The following TMEM232 variants were observed in gnomAD, a reference collection of about 807,000 sequenced individuals.
The protein encoded by TMEM232 is transmembrane protein 232.
A neutral mutation model predicts 78.8 loss-of-function variants in TMEM232; 80 were observed. That is an observed-to-expected ratio of 1.01 (90% CI 0.85 to 1.22). The LOEUF is 1.22. Among genes scored for constraint, TMEM232 ranks in the 50% most tolerant of loss-of-function variants. The pLI is 0.00. For synonymous variants in TMEM232, 297 were observed against 254.3 expected (o/e 1.17, Z -1.60); for missense variants, 881 against 742.2 (o/e 1.19, Z -2.17).
chr5:110,636,168 A>T (rs1785802463), intron 5 of TMEM232, among the ~76,000 whole-genome samples: 1 of 152,050 alleles, frequency 6.6e-6, no homozygotes, highest in Admixed American at 6.6e-5. Flanking sequence ...ACAGAAATAC[A>T]AAAACCACAT....
chr5:110,541,885 T>C (rs1321696598), intron 11 of TMEM232, among the ~76,000 whole-genome samples: 1 of 151,932 alleles, frequency 6.6e-6, no homozygotes, highest in Non-Finnish European at 1.5e-5. Flanking sequence ...ACTCAAAGGC[T>C]CTCCACACCA....
At chr5:110,649,307 A>G (rs772415574) in intron 2 of TMEM232, among the ~76,000 whole-genome samples, 1 of 152,066 alleles carries the variant, frequency 6.6e-6, no homozygotes, top group Non-Finnish European at 1.5e-5. Context: ...TTCTTTATTT[A>G]AAAGGGTTAC....
intron 12 of TMEM232, among the ~76,000 whole-genome samples, chr5:110,446,817 G>A (rs764220576): frequency 6.6e-6 from 1 of 151,998 alleles, no homozygotes; most frequent in Non-Finnish European, 1.5e-5. Context: ...GCTATGTTGG[G>A]TTTGCTGCAT....
intron 2 of TMEM232, among the ~76,000 whole-genome samples, chr5:110,412,288 C>G (rs1052732777): frequency 6.6e-6 from 1 of 152,210 alleles, no homozygotes; most frequent in South Asian, 2.1e-4. Context: ...GAATTCAACC[C>G]TGAACAATCC....
chr5:110,721,931 G>C (rs747381455), intron 1 of TMEM232, among the ~76,000 whole-genome samples: 2 of 151,578 alleles, frequency 1.3e-5, no homozygotes, highest in African/African-American at 4.8e-5. Flanking sequence ...CCTAGCAGGT[G>C]GCACTGCCCC....
chr5:110,593,544 T>A (rs1779786569), intron 10 of TMEM232, among the ~76,000 whole-genome samples: 1 of 152,122 alleles, frequency 6.6e-6, no homozygotes, highest in African/African-American at 2.4e-5. Context: ...TAGAGGTCAT[T>A]ATGTTAAATG....
chr5:110,632,709 G>T (rs1785288391), intron 5 of TMEM232, among the ~76,000 whole-genome samples: 1 of 151,594 alleles, frequency 6.6e-6, no homozygotes, highest in Non-Finnish European at 1.5e-5. Flanking sequence ...GAAAAACAAA[G>T]AAAAAGTAAT....
intron 11 of TMEM232, among the ~76,000 whole-genome samples, chr5:110,547,842 A>T (rs1376571433): frequency 6.6e-6 from 1 of 151,870 alleles, no homozygotes; most frequent in African/African-American, 2.4e-5. Context: ...TACTAAAAAT[A>T]CAAAAATTAG....
intron 8 of TMEM232, among the ~76,000 whole-genome samples, chr5:110,608,390 T>C (rs1159161067): frequency 6.6e-6 from 1 of 151,952 alleles, no homozygotes; most frequent in African/African-American, 2.4e-5. Flanking sequence ...TCTATCCAGA[T>C]GACCACCAAG....
At chr5:110,440,228 G>T (rs1046760520) in intron 12 of TMEM232, among the ~76,000 whole-genome samples, 2 of 152,110 alleles carry the variant, frequency 1.3e-5, no homozygotes, top group Non-Finnish European at 2.9e-5. Flanking sequence ...GAGAACAAGT[G>T]TAACTTCTAT....
intron 12 of TMEM232, among the ~76,000 whole-genome samples, chr5:110,503,774 A>C (rs1374770640): frequency 6.6e-6 from 1 of 152,172 alleles, no homozygotes; most frequent in Non-Finnish European, 1.5e-5. Context: ...TTTGTAGTAA[A>C]TGTTTCTCCT....
chr5:110,649,069 G>A (rs1274054794), intron 2 of TMEM232, among the ~76,000 whole-genome samples: 4 of 152,162 alleles, frequency 2.6e-5, no homozygotes, highest in African/African-American at 9.6e-5. Context: ...AGTTGAGCTT[G>A]AAGACCCAAA....
At position 110,493,127 on chromosome 5, in the gene TMEM232, C is replaced by T. The variant is rs1467227765; in HGVS notation, c.1703+35461G>A. ...ACAAGAAAAAAAATTAGAATTAAAT[C>T]CCCCCAGCATAAGCTAATCCTTATG... is the stretch of plus-strand genomic sequence containing the variant. On this transcript the variant is annotated intron_variant, in intron 12 of 13. Transcript: ENST00000455884. Among the ~76,000 whole-genome samples the T allele has an allele frequency of 2.6e-5, 4 of 151,650 alleles. 1 individual carries two copies. The South Asian group carries it at 6.2e-4, about 24-fold the overall frequency.
chr5:110,490,142 A>AAAGAAAG (rs1764892253), intron 12 of TMEM232, among the ~76,000 whole-genome samples: 1 of 115,506 alleles, frequency 8.7e-6, no homozygotes, highest in Non-Finnish European at 1.7e-5. Flanking sequence ...AGAAAGAAAG[A>AAAGAAAG]AAGAAAGAAA....
intron 2 of TMEM232, among the ~76,000 whole-genome samples, chr5:110,646,696 C>T (rs537294476): frequency 2.0e-5 from 3 of 151,760 alleles, no homozygotes; most frequent in Non-Finnish European, 3.0e-5. Flanking sequence ...GGGATTGCAT[C>T]AAACTAAAAA....
At chr5:110,687,803 G>C (rs1793614770) in intron 1 of TMEM232, among the ~76,000 whole-genome samples, 1 of 151,920 alleles carries the variant, frequency 6.6e-6, no homozygotes, top group Admixed American at 6.6e-5. Context: ...CAAACCTTTG[G>C]TGCAAAATAT....
At position 110,528,618 on chromosome 5, in the gene TMEM232, A is replaced by G. The variant is rs1770956859; in HGVS notation, c.1673T>C (p.Val558Ala). ...AGTGAAATGTAGAACTTGCTTTTTC[A>G]CAGACTCCAGCTTTTTATTTGGATA... The part of the protein sequence containing the change: ...TKYPNKKLES[V>A]KKQVLHFTVR... The change falls in exon 12 of 14, where the codon GTG becomes GCG. Residue 558 changes from valine to alanine, a missense_variant. Val to Ala is a moderately conservative substitution (Grantham distance 64, BLOSUM62 0). Transcript: ENST00000455884. 2 of 1,530,902 alleles carry G rather than the reference A, an allele frequency of 1.3e-6. No individual in the cohort carries two copies. The highest frequency in any genetic ancestry group is 2.4e-5 in the South Asian group (2 of 83,028). 94.8% of individuals were successfully genotyped at this position (1,530,902 alleles called of 1,614,324 possible). A position where few individuals can be genotyped will look rare whatever the true frequency, so the allele number is the denominator to read the frequency against.
rs1037589623 is a variant in TMEM232, at chr5:110,441,915, T to G, written c.1704-16999A>C. On this transcript the variant is annotated intron_variant, in intron 12 of 13. Transcript: ENST00000455884. ...AGTAAAAGGTTATTATTAGTTTTTT[T>G]TTTCCTTTAGCACTTTAAACATGTC... 4.6e-5 allele frequency among the ~76,000 whole-genome samples: 7 copies of G among 152,162 alleles called. No individual in the cohort carries two copies. In the East Asian group the frequency reaches 5.8e-4, roughly 13 times the overall value.
intron 1 of TMEM232, among the ~76,000 whole-genome samples, chr5:110,688,314 A>C (rs1391063217): frequency 6.6e-6 from 1 of 152,194 alleles, no homozygotes; most frequent in Non-Finnish European, 1.5e-5. Flanking sequence ...GCTGCCTTAT[A>C]TTATGATTTC....
Sources: allele counts gnomAD v4.1 joint callset (sites outside exome capture counted in the v4.1 genomes callset), GRCh38; gene constraint gnomAD v4.1.1; transcripts MANE v1.5; gene names NCBI Gene and HGNC (gene_info 2026-07-23, HGNC 2026-07-21).